COL4A4: variants seen among roughly 807,000 people sequenced by gnomAD.
COL4A4 encodes collagen type IV alpha 4 chain, also known as collagen alpha-4(IV) chain.
In COL4A4, 105 loss-of-function variants were observed where a neutral mutation model predicts 192.9. The observed-to-expected ratio is 0.54, with a 90% confidence interval of 0.46 to 0.64. The LOEUF (loss-of-function observed/expected upper bound fraction) is 0.64, where lower values mean the gene tolerates loss of function less well. Ranked by LOEUF, COL4A4 falls within the 30% of genes least tolerant of loss-of-function variation. The pLI, the probability that COL4A4 is intolerant of heterozygous loss-of-function variation, is 0.00. For synonymous variants in COL4A4, 762 were observed against 769.9 expected, an observed-to-expected ratio of 0.99 and a Z score of 0.17; for missense variants, 1,967 against 2,169.3, an observed-to-expected ratio of 0.91 and a Z score of 1.85.
chr2:227,078,049 C>T lies in COL4A4; in HGVS notation c.1832G>A (p.Gly611Asp). 6.2e-7 allele frequency: 1 copy of T among 1,614,022 alleles called. No individual in the cohort carries two copies. Among genetic ancestry groups the T allele is most frequent in the Non-Finnish European group, 8.5e-7 (1 of 1,179,996 alleles). ...GCCCAGAGGTCCAGGAAATCCTTTA[C>T]CACCTGGGGTCGCATCTTCATGATC... is the stretch of plus-strand genomic sequence containing the variant. ...PGDHEDATPG[G>D]KGFPGPLGPP... The change falls in exon 25 of 48, where the codon GGT becomes GAT. Residue 611 changes from glycine to aspartate, a missense_variant. Gly to Asp is a moderately conservative substitution (Grantham distance 94). Transcript: ENST00000396625.
intron 31 of COL4A4, among the ~76,000 whole-genome samples, chr2:227,053,586 C>T (rs1974642286): frequency 7.3e-6 from 1 of 137,360 alleles, no homozygotes; most frequent in African/African-American, 2.8e-5. Context: ...CTCACTCTGT[C>T]ACCCAGGCTG....
chr2:226,970,308 C>T, the COL4A4 span, among the ~76,000 whole-genome samples: 1 of 151,934 alleles, frequency 6.6e-6, no homozygotes. Context: ...TCTCCAGCTT[C>T]TCATTTTTAG....
chr2:226,990,399 G>A, the COL4A4 span, among the ~76,000 whole-genome samples: 245 of 152,172 alleles, frequency 1.6e-3, no homozygotes, highest in African/African-American at 5.7e-3. Context: ...TCCTGGTTTA[G>A]AAAAAAAGTG....
intron 22 of COL4A4, among the ~76,000 whole-genome samples, chr2:227,085,756 G>T (rs1243734066): frequency 6.6e-6 from 1 of 152,124 alleles, no homozygotes; most frequent in Non-Finnish European, 1.5e-5. Flanking sequence ...CCATTCGTGA[G>T]GGATCCACCC....
At chr2:227,040,513 C>T (rs866648697) in intron 37 of COL4A4, among the ~76,000 whole-genome samples, 5 of 151,724 alleles carry the variant, frequency 3.3e-5, no homozygotes, top group East Asian at 1.9e-4. Flanking sequence ...TGTGATACAA[C>T]GTAAGTGTTA....
At chr2:227,101,740 C>A in intron 16 of COL4A4, 125 bp downstream of exon 16, 1 of 1,054,552 alleles carries the variant, frequency 9.5e-7, no homozygotes, top group South Asian at 1.4e-5. Flanking sequence ...TCCTGCAATC[C>A]ATAAAATGAA....
intron 12 of COL4A4, among the ~76,000 whole-genome samples, chr2:227,105,292 G>C (rs2060778293): frequency 6.8e-6 from 1 of 147,188 alleles, no homozygotes; most frequent in Non-Finnish European, 1.5e-5. Context: ...CCGGGCTCAA[G>C]TGATTCTTGT....
chr2:227,012,126 T>G, intron 45 of COL4A4, 55 bp downstream of exon 45: 1 of 1,387,168 alleles, frequency 7.2e-7, no homozygotes, highest in South Asian at 1.2e-5. Context: ...AGAGATTTTG[T>G]ATACAACTCT....
intron 1 of COL4A4, among the ~76,000 whole-genome samples, chr2:227,160,682 T>G (rs928276909): frequency 1.3e-5 from 2 of 152,218 alleles, no homozygotes; most frequent in African/African-American, 4.8e-5. Flanking sequence ...CTTGCTAGCA[T>G]AATTTGCAAT....
Position 227,007,180 on chromosome 2 carries a change from G to A in COL4A4, c.*145C>T. ...TTGCTTAATGTGTAAGGAACCAGAG[G>A]ACTCTGGGAATAACCACGACAAAAC... On this transcript the variant is annotated 3_prime_UTR_variant, in exon 48 of 48. Transcript: ENST00000396625. 2 of 1,137,412 alleles carry A rather than the reference G, an allele frequency of 1.8e-6. No homozygotes were observed. The highest frequency in any genetic ancestry group is 2.7e-6 in the Non-Finnish European group (2 of 750,718). 70.5% of individuals were successfully genotyped at this position (1,137,412 alleles called of 1,614,324 possible).
At chr2:227,053,543 C>CTTTTTTT (rs56724633) in intron 31 of COL4A4, among the ~76,000 whole-genome samples, 30 of 102,244 alleles carry the variant, frequency 2.9e-4, no homozygotes, top group Non-Finnish European at 3.6e-4. Context: ...TTTTCTTTTT[C>CTTTTTTT]TTTTTTTTTT....
At chr2:227,069,954 T>G (rs1175539677) in intron 25 of COL4A4, among the ~76,000 whole-genome samples, 3 of 150,596 alleles carry the variant, frequency 2.0e-5, no homozygotes, top group African/African-American at 7.3e-5. Flanking sequence ...GGGAGAAAAT[T>G]TTCGCAACCT....
At chr2:227,060,113 A>AAAAAAAAC (rs1559522523) in intron 27 of COL4A4, 23 bp downstream of exon 27, 3 of 1,269,840 alleles carry the variant, frequency 2.4e-6, no homozygotes, top group African/African-American at 1.5e-5. Flanking sequence ...AAAAAAAAAA[A>AAAAAAAAC]AAAAAAAAAA....
chr2:227,033,948 G>T (rs189098493), intron 37 of COL4A4, among the ~76,000 whole-genome samples: 8 of 152,216 alleles, frequency 5.3e-5, no homozygotes, highest in African/African-American at 1.9e-4. Flanking sequence ...GCAGTCAGAC[G>T]AGAGGACGCA....
chr2:227,080,350 A>AT, intron 24 of COL4A4, 93 bp downstream of exon 24: 5 of 1,171,588 alleles, frequency 4.3e-6, no homozygotes, highest in Non-Finnish European at 6.4e-6. Context: ...ATTTTACTGA[A>AT]TTTCAGCTTG....
At chr2:227,133,977 C>A (rs1477980688) in intron 4 of COL4A4, among the ~76,000 whole-genome samples, 1 of 152,140 alleles carries the variant, frequency 6.6e-6, no homozygotes, top group African/African-American at 2.4e-5. Flanking sequence ...AAGATTCAGG[C>A]TTTAACTTTT....
chr2:227,103,449 A>C (rs2060638881), intron 13 of COL4A4, among the ~76,000 whole-genome samples: 2 of 152,268 alleles, frequency 1.3e-5, no homozygotes, highest in African/African-American at 4.8e-5. Context: ...TTGGGAATGC[A>C]GCCATTGAAA....
intron 4 of COL4A4, among the ~76,000 whole-genome samples, chr2:227,132,202 G>A (rs949490043): frequency 1.3e-5 from 2 of 152,128 alleles, no homozygotes; most frequent in African/African-American, 4.8e-5. Context: ...TTGTCCACCT[G>A]GGGAGGGAGC....
chr2:226,984,576 T>C, the COL4A4 span, among the ~76,000 whole-genome samples: 1 of 152,160 alleles, frequency 6.6e-6, no homozygotes, highest in Non-Finnish European at 1.5e-5. Flanking sequence ...AACACAAATA[T>C]TGAGTCCATG....
Sources: allele counts gnomAD v4.1 joint callset (sites outside exome capture counted in the v4.1 genomes callset), GRCh38; gene constraint gnomAD v4.1.1; transcripts MANE v1.5; gene names NCBI Gene and HGNC (gene_info 2026-07-23, HGNC 2026-07-21).